Variants in NEK4 observed in about 807,000 individuals in gnomAD.
NEK4 encodes serine/threonine-protein kinase Nek4.
Under a neutral mutation model 98.4 loss-of-function variants are expected in NEK4, and 86 were observed. That is an observed-to-expected ratio of 0.87 (90% confidence interval 0.73 to 1.05). The LOEUF (loss-of-function observed/expected upper bound fraction) is 1.05. Among genes scored for constraint, NEK4 ranks in the 50% least tolerant of loss-of-function variants. The pLI is 0.00. For synonymous variants in NEK4, 328 were observed against 342.2 expected, an observed-to-expected ratio of 0.96 and a Z score of 0.46; for missense variants, 898 against 950.3, an observed-to-expected ratio of 0.94 and a Z score of 0.72.
intron 6 of NEK4, chr3:52,754,750 A>G: frequency 2.4e-6 from 1 of 423,326 alleles, no homozygotes; most frequent in East Asian, 5.7e-5. Flanking sequence ...GACTAGTTCA[A>G]GCTGACCAAT....
intron 15 of NEK4, among the ~76,000 whole-genome samples, chr3:52,730,859 GGT>G (rs1219235737): frequency 6.6e-6 from 1 of 152,094 alleles, no homozygotes. Flanking sequence ...AAAGTAGATG[GGT>G]GGTTGCCAGG....
intron 6 of NEK4, among the ~76,000 whole-genome samples, chr3:52,755,788 C>A (rs1234428233): frequency 1.3e-5 from 2 of 151,954 alleles, no homozygotes; most frequent in Admixed American, 1.3e-4. Flanking sequence ...GTCTAGGAAA[C>A]CCTAAAGATT....
intron 15 of NEK4, among the ~76,000 whole-genome samples, chr3:52,730,851 A>G (rs577246610): frequency 4.6e-5 from 7 of 152,304 alleles, no homozygotes; most frequent in African/African-American, 1.4e-4. Context: ...AGAGACAGAA[A>G]GTAGATGGGT....
At position 52,744,314 on chromosome 3, in the gene NEK4, G is replaced by A; in HGVS notation, c.1828-9C>T. The A allele has an allele frequency of 6.2e-7, 1 of 1,607,172 alleles. No individual in the cohort carries two copies. Among genetic ancestry groups the A allele is most frequent in the East Asian group, 2.2e-5 (1 of 44,860 alleles). On this transcript the variant is annotated splice_polypyrimidine_tract_variant and intron_variant, in intron 10 of 15. Transcript: ENST00000233027. ...GCTGATAATGGTCGATCCTTTAAAA[G>A]AAAGTCACAGAGTCACTTCCATTCC...
Position 52,767,121 on chromosome 3 carries a change from T to TA in NEK4, c.361-747dup, listed in dbSNP as rs545033383. Among the ~76,000 whole-genome samples the TA allele has an allele frequency of 3.6e-3, 547 of 151,626 alleles. 8 individuals are homozygous for TA. The highest frequency in any genetic ancestry group is 0.012 in the African/African-American group (499 of 41,332). Reference sequence around the variant, plus strand: ...CAACATGGCAAAACCCCATCTCTACTAAAAAAATACAAAAATTAGCTGGGC... The same window carrying TA: ...CAACATGGCAAAACCCCATCTCTACTAAAAAAAATACAAAAATTAGCTGGGC... On this transcript the variant is annotated intron_variant, in intron 2 of 15. Transcript: ENST00000233027.
At chr3:52,744,574 C>A (rs1240619133) in intron 10 of NEK4, among the ~76,000 whole-genome samples, 1 of 151,404 alleles carries the variant, frequency 6.6e-6, no homozygotes, top group African/African-American at 2.4e-5. Flanking sequence ...ATCCCAGCTA[C>A]TCGGGAGGCT....
chr3:52,761,455 AT>A (rs3216518), intron 5 of NEK4, among the ~76,000 whole-genome samples: 21 of 148,102 alleles, frequency 1.4e-4, no homozygotes, highest in Non-Finnish European at 2.1e-4. Context: ...ATTTTTTTGT[AT>A]TTTTTTTTTA....
At chr3:52,765,362 A>C (rs184535675) in intron 4 of NEK4, among the ~76,000 whole-genome samples, 2 of 151,920 alleles carry the variant, frequency 1.3e-5, no homozygotes. Context: ...AAAAAAAAAA[A>C]AACAAAAAAA....
chr3:52,724,263 A>ACACACACACACAC (rs1553914988), intron 15 of NEK4, among the ~76,000 whole-genome samples: 11 of 151,406 alleles, frequency 7.3e-5, no homozygotes, highest in Admixed American at 1.3e-4. Flanking sequence ...ACACACACAC[A>ACACACACACACAC]AAACTGTCAA....
chr3:52,747,677 G>A (rs896156053), intron 8 of NEK4, among the ~76,000 whole-genome samples: 4 of 151,812 alleles, frequency 2.6e-5, no homozygotes, highest in African/African-American at 7.3e-5. Flanking sequence ...GAGTGTGGTA[G>A]CCCACACCTG....
At chr3:52,770,589 C>T (rs1698741465) in intron 1 of NEK4, 65 bp downstream of exon 1, 1 of 1,293,600 alleles carries the variant, frequency 7.7e-7, no homozygotes, top group South Asian at 1.3e-5. Flanking sequence ...ACCTAATCTA[C>T]CGGTCGGCGC....
chr3:52,770,902 G>A lies in NEK4; in HGVS notation c.-156C>T. On this transcript the variant is annotated 5_prime_UTR_variant, in exon 1 of 16. Coordinates refer to ENST00000233027, the MANE Select transcript of NEK4 (RefSeq NM_003157.6). Reference sequence around the variant, plus strand: ...GGATTGCTGGGGCCCGGCCCGCGACGACGCCGCTGCCATAGCGATCCGGGC... The same window carrying A: ...GGATTGCTGGGGCCCGGCCCGCGACAACGCCGCTGCCATAGCGATCCGGGC... 1 of 632,968 alleles carries A rather than the reference G, an allele frequency of 1.6e-6. No individual in the cohort carries two copies. Among genetic ancestry groups the A allele is most frequent in the Non-Finnish European group, 2.7e-6 (1 of 366,430 alleles). 39.2% of individuals were successfully genotyped at this position (632,968 alleles called of 1,614,324 possible).
At chr3:52,747,804 G>A (rs1459012942) in intron 8 of NEK4, among the ~76,000 whole-genome samples, 1 of 150,558 alleles carries the variant, frequency 6.6e-6, no homozygotes, top group African/African-American at 2.5e-5. Flanking sequence ...AAAAAAGTCA[G>A]ATGTAGTGAT....
chr3:52,730,653 G>A (rs911537709), intron 15 of NEK4, among the ~76,000 whole-genome samples: 2 of 152,192 alleles, frequency 1.3e-5, no homozygotes, highest in Non-Finnish European at 2.9e-5. Flanking sequence ...TGCTGGTTTT[G>A]TGGATAAGGT....
At chr3:52,751,184 G>A (rs1433447955) in intron 7 of NEK4, among the ~76,000 whole-genome samples, 6 of 151,894 alleles carry the variant, frequency 4.0e-5, no homozygotes, top group Non-Finnish European at 5.9e-5. Flanking sequence ...GGCCGAGTGC[G>A]GTGGCTCATG....
intron 11 of NEK4, 117 bp downstream of exon 11, chr3:52,744,122 T>C: frequency 1.3e-6 from 1 of 756,090 alleles, no homozygotes; most frequent in Non-Finnish European, 2.4e-6. Flanking sequence ...CAACTCGATT[T>C]CCTACATGTT....
chr3:52,725,535 A>AC (rs1033081520), intron 15 of NEK4, among the ~76,000 whole-genome samples: 41 of 150,530 alleles, frequency 2.7e-4, no homozygotes, highest in Middle Eastern at 3.4e-3. Flanking sequence ...ACAAAACAAA[A>AC]AAAAAACATA....
chr3:52,725,624 G>A (rs887371480), intron 15 of NEK4, among the ~76,000 whole-genome samples: 6 of 152,030 alleles, frequency 3.9e-5, no homozygotes, highest in African/African-American at 1.2e-4. Flanking sequence ...TAGAGTTTTT[G>A]TATGTTATTG....
chr3:52,734,917 A>G (rs953792903), intron 15 of NEK4: 12 of 218,500 alleles, frequency 5.5e-5, no homozygotes, highest in East Asian at 1.5e-4. Flanking sequence ...CCAAAAAAAA[A>G]GGGGTAATGG....
Sources: allele counts gnomAD v4.1 joint callset (sites outside exome capture counted in the v4.1 genomes callset), GRCh38; gene constraint gnomAD v4.1.1; transcripts MANE v1.5; gene names NCBI Gene and HGNC (gene_info 2026-07-23, HGNC 2026-07-21).